Variants in G6PD observed in about 807,000 individuals in gnomAD.
The protein encoded by G6PD is glucose-6-phosphate 1-dehydrogenase.
A neutral mutation model predicts 38.2 loss-of-function variants in G6PD; 2 were observed. That is an observed-to-expected ratio of 0.05 (90% CI 0.02 to 0.16). The LOEUF is 0.16. Among genes scored for constraint, G6PD ranks in the 10% least tolerant of loss-of-function variants. The pLI is 1.00. For synonymous variants in G6PD, 188 were observed against 196.0 expected, an observed-to-expected ratio of 0.96 and a Z score of 0.34; for missense variants, 310 against 471.6, an observed-to-expected ratio of 0.66 and a Z score of 3.17.
At chrX:154,540,362 G>T (rs1171233939) in intron 2 of G6PD, among the ~76,000 whole-genome samples, 1 of 110,424 alleles carries the variant, frequency 9.1e-6, no homozygotes. Flanking sequence ...CCAGCTACTC[G>T]GGAGGCTGAG....
chrX:154,547,305 C>T (rs1460723854), upstream of G6PD: 9 of 751,324 alleles, frequency 1.2e-5, no homozygotes, highest in African/African-American at 4.6e-5. Flanking sequence ...GAACCCTCGC[C>T]TGTTCGCGGG....
chrX:154,547,529 C>A (rs1557233927), upstream of G6PD: 1 of 753,950 alleles, frequency 1.3e-6, no homozygotes, highest in Non-Finnish European at 1.6e-6. Flanking sequence ...CGGGATGCGG[C>A]CCTACCGCGG....
At chrX:154,535,057 G>A (rs1557230523) in intron 5 of G6PD, 111 bp downstream of exon 5, 19 of 781,225 alleles carry the variant, frequency 2.4e-5, no homozygotes, top group Non-Finnish European at 1.4e-5. Context: ...GGATGGCCCC[G>A]GCACCATGGA....
intron 2 of G6PD, among the ~76,000 whole-genome samples, chrX:154,539,304 T>C (rs1181145035): frequency 8.9e-6 from 1 of 112,032 alleles, no homozygotes; most frequent in Non-Finnish European, 1.9e-5. Context: ...TGTGCATTCA[T>C]ACAACGGATA....
intron 2 of G6PD, among the ~76,000 whole-genome samples, chrX:154,543,745 G>C (rs191860723): frequency 9.1e-6 from 1 of 110,427 alleles, no homozygotes; most frequent in African/African-American, 3.3e-5. Flanking sequence ...CCAGGATGGA[G>C]TGCAATGGTG....
At chrX:154,533,482 G>T in intron 8 of G6PD, 94 bp downstream of exon 8, 1 of 1,089,395 alleles carries the variant, frequency 9.2e-7, no homozygotes, top group Non-Finnish European at 1.3e-6. Flanking sequence ...CGGGGTTGAG[G>T]ACACCTGCTC....
rs1483192333 is a variant in G6PD at position 154,545,236 on chromosome X, G to C, written c.120+800C>G. Among the ~76,000 whole-genome samples the C allele has an allele frequency of 6.3e-5, 7 of 111,441 alleles. No homozygotes were observed. The Admixed American group carries it at 6.7e-4, about 11-fold the overall frequency. On this transcript the variant is annotated intron_variant, in intron 2 of 12. Coordinates refer to ENST00000393562, the MANE Select transcript of G6PD (RefSeq NM_001360016.2). ...TGCAGAATGGCGGTTCTACAAGCTG[G>C]ACAATTGGGGCCAGGTGGGGTGAGG... is the stretch of plus-strand genomic sequence containing the variant.
In G6PD at chrX:154,546,113, T is replaced by C; in HGVS notation, c.43A>G (p.Ile15Val). 2 of 1,211,913 alleles carry C rather than the reference T, an allele frequency of 1.7e-6. No individual in the cohort carries two copies. The highest frequency in any genetic ancestry group is 2.2e-6 in the Non-Finnish European group (2 of 895,456). The stretch of plus-strand genomic sequence containing the variant: ...CCCTGGAAAAGCTCTTCCCGCAGGA[T>C]CCCGCACACCTGGGTCCGGCTCAGG... ...VALSRTQVCG[I>V]LREELFQGDA... Residue 15 changes from isoleucine (I) to valine (V), a missense_variant, in exon 2 of 13, where the codon ATC (isoleucine) becomes GTC (valine). Ile to Val is a conservative substitution (Grantham distance 29). Coordinates refer to ENST00000393562, the MANE Select transcript of G6PD (RefSeq NM_001360016.2).
chrX:154,538,513 G>A (rs1238256353), intron 2 of G6PD, among the ~76,000 whole-genome samples: 2 of 111,925 alleles, frequency 1.8e-5, no homozygotes, highest in Non-Finnish European at 3.8e-5. Context: ...TTTAAATCTA[G>A]CAATCTTGCT....
chrX:154,532,725 C>T lies in G6PD; in HGVS notation c.1129G>A (p.Ala377Thr), dbSNP rs1557229713. ...AEVRLQFHDV[A>T]GDIFHQQCKR... ...CACTGCTGGTGGAAGATGTCGCCGG[C>T]CACATCATGGAACTGCAGCCTCACC... The change falls in exon 10 of 13, where the codon GCC becomes ACC. Residue 377 changes from alanine to threonine, a missense_variant. By Grantham distance (58) the Ala-to-Thr change is moderately conservative (BLOSUM62 0). This residue lies in a region of G6PD where 168 missense variants were observed against 309.2 expected (regional missense o/e 0.54). Coordinates refer to ENST00000393562, the MANE Select transcript of G6PD (RefSeq NM_001360016.2). The T allele has an allele frequency of 8.2e-7, 1 of 1,212,157 alleles. No homozygotes were observed. Among genetic ancestry groups the T allele is most frequent in the South Asian group, 1.8e-5 (1 of 57,020 alleles).
chrX:154,531,846 G>C lies in G6PD; in HGVS notation c.*154C>G, dbSNP rs914543891. ...GCAGCTGAGGAATGTAGCTGGGCTCGGGTAGTAGCAGCAGCGAGGGGCGGG... is the reference window on the plus strand; with the variant it reads ...GCAGCTGAGGAATGTAGCTGGGCTCCGGTAGTAGCAGCAGCGAGGGGCGGG... On this transcript the variant is annotated 3_prime_UTR_variant, in exon 13 of 13. Transcript: ENST00000393562. 7 of 923,191 alleles carry C rather than the reference G, an allele frequency of 7.6e-6. No individual in the cohort carries two copies. The Admixed American group carries it at 1.5e-4, about 19-fold the overall frequency. 76.1% of individuals were successfully genotyped at this position (923,191 alleles called of 1,213,427 possible). A position where few individuals can be genotyped will look rare whatever the true frequency, so the allele number is the denominator to read the frequency against.
At chrX:154,547,408 G>A, upstream of G6PD, 4 of 755,223 alleles carry the variant, frequency 5.3e-6, no homozygotes, top group Non-Finnish European at 6.3e-6. Flanking sequence ...CGCCGTCCGA[G>A]AGACGAGGGG....
chrX:154,547,007 G>GC (rs2070753032), upstream of G6PD: 2 of 221,407 alleles, frequency 9.0e-6, no homozygotes, highest in Non-Finnish European at 1.6e-5. Context: ...TCCCAGGCCA[G>GC]CCCCTGCCTC....
intron 8 of G6PD, 167 bp downstream of exon 8, chrX:154,533,409 T>C (rs2070365702): frequency 1.7e-6 from 1 of 593,487 alleles, no homozygotes; most frequent in South Asian, 3.0e-5. Flanking sequence ...AACTTGGGCT[T>C]CATGACTGCC....
chrX:154,534,319 G>A lies in G6PD; in HGVS notation c.644+19C>T, dbSNP rs201113696. 7.4e-6 allele frequency: 9 copies of A among 1,208,731 alleles called. No individual in the cohort carries two copies. Among genetic ancestry groups the A allele is most frequent in the Admixed American group, 2.2e-5 (1 of 45,803 alleles). Reference sequence around the variant, plus strand: ...AGTACCACCCCCACCCTGGTCCCCCGGCCCAGGCTTGGCCCCACCTCAGCA... The same window carrying A: ...AGTACCACCCCCACCCTGGTCCCCCAGCCCAGGCTTGGCCCCACCTCAGCA... On this transcript the variant is annotated intron_variant, in intron 6 of 12. Coordinates refer to ENST00000393562, the MANE Select transcript of G6PD (RefSeq NM_001360016.2).
At chrX:154,546,474 C>A (rs1394189861) in intron 1 of G6PD, among the ~76,000 whole-genome samples, 1 of 111,977 alleles carries the variant, frequency 8.9e-6, no homozygotes, top group South Asian at 3.7e-4. Flanking sequence ...CATGGAACTG[C>A]GTGCCCAGGA....
chrX:154,544,547 G>A (rs1603414342), intron 2 of G6PD, among the ~76,000 whole-genome samples: 3 of 111,409 alleles, frequency 2.7e-5, no homozygotes, highest in African/African-American at 9.8e-5. Context: ...CACCTGCCTC[G>A]GCCTCCCAAA....
intron 2 of G6PD, among the ~76,000 whole-genome samples, chrX:154,539,937 G>T (rs1442851236): frequency 9.1e-6 from 1 of 110,027 alleles, no homozygotes; most frequent in Non-Finnish European, 1.9e-5. Flanking sequence ...TGGCCAGGCT[G>T]GCCTCAAACT....
chrX:154,547,111 T>G (rs1177084767), upstream of G6PD: 5 of 148,629 alleles, frequency 3.4e-5, no homozygotes, highest in Non-Finnish European at 6.3e-5. Context: ...CGGGTGCAGC[T>G]CCGCGTAGTG....
Sources: gnomAD v4.1 joint callset for allele counts (sites outside exome capture counted in the v4.1 genomes callset) on GRCh38, gnomAD v4.1.1 for gene constraint, gnomAD v4.1.1 regional missense constraint, MANE v1.5 for transcripts, NCBI Gene and HGNC (gene_info 2026-07-23, HGNC 2026-07-21) for gene names.